Variants in MTUS2 observed in about 807,000 individuals in gnomAD.
The protein encoded by MTUS2 is microtubule associated scaffold protein 2, also known as microtubule-associated tumor suppressor candidate 2.
Under a neutral mutation model 114.1 loss-of-function variants are expected in MTUS2, and 40 were observed. The ratio of observed to expected loss-of-function variants is 0.35; its 90% confidence interval spans 0.27 to 0.46. The LOEUF (loss-of-function observed/expected upper bound fraction) is 0.46. Among genes scored for constraint, MTUS2 ranks in the 20% least tolerant of loss-of-function variants. The pLI is 1.00. For synonymous variants in MTUS2, 688 were observed against 672.0 expected (o/e 1.02, Z -0.37); for missense variants, 1,679 against 1,705.4 (o/e 0.98, Z 0.27).
chr13:29,389,399 A>ACACGTGTGTG (rs1566172841), intron 8 of MTUS2, among the ~76,000 whole-genome samples: 39 of 67,960 alleles, frequency 5.7e-4, no homozygotes, highest in African/African-American at 8.5e-4. Context: ...GTGTGTGTAT[A>ACACGTGTGTG]TATGTATACA....
chr13:29,206,953 G>A (rs879894065), intron 5 of MTUS2, among the ~76,000 whole-genome samples: 4 of 152,072 alleles, frequency 2.6e-5, no homozygotes, highest in South Asian at 2.1e-4. Flanking sequence ...GAATGATGGC[G>A]GTATTTTGAT....
At chr13:29,183,993 A>G (rs548422525) in intron 5 of MTUS2, among the ~76,000 whole-genome samples, 1 of 152,296 alleles carries the variant, frequency 6.6e-6, no homozygotes, top group African/African-American at 2.4e-5. Flanking sequence ...TTTACTTACC[A>G]TCTAGATTCA....
At chr13:29,327,086 A>T (rs1158032679) in intron 7 of MTUS2, among the ~76,000 whole-genome samples, 1 of 152,162 alleles carries the variant, frequency 6.6e-6, no homozygotes, top group African/African-American at 2.4e-5. Flanking sequence ...ATGCTGTAAA[A>T]TCTAGCTTTA....
chr13:29,491,130 ATG>A (rs1178019533), intron 11 of MTUS2, among the ~76,000 whole-genome samples: 6 of 145,640 alleles, frequency 4.1e-5, no homozygotes, highest in East Asian at 2.1e-4. Context: ...GTGGGTGTGC[ATG>A]TGTGTGTATA....
At chr13:29,229,062 A>C (rs1896221911) in intron 5 of MTUS2, among the ~76,000 whole-genome samples, 1 of 152,016 alleles carries the variant, frequency 6.6e-6, no homozygotes, top group African/African-American at 2.4e-5. Context: ...GTTAACACTG[A>C]GGGGCTTCTT....
At chr13:29,084,491 G>T (rs1776356638) in intron 4 of MTUS2, among the ~76,000 whole-genome samples, 1 of 151,734 alleles carries the variant, frequency 6.6e-6, no homozygotes, top group South Asian at 2.1e-4. Flanking sequence ...CCATGCAATG[G>T]TCTCTTTCTC....
At chr13:28,889,339 A>G (rs974116000) in intron 2 of MTUS2, among the ~76,000 whole-genome samples, 12 of 152,220 alleles carry the variant, frequency 7.9e-5, no homozygotes, top group African/African-American at 2.9e-4. Context: ...AATTAAACTC[A>G]TTTCCACAGT....
At chr13:29,078,378 C>T (rs1162782462) in intron 4 of MTUS2, among the ~76,000 whole-genome samples, 1 of 152,066 alleles carries the variant, frequency 6.6e-6, no homozygotes, top group East Asian at 1.9e-4. Context: ...TGACACAGGC[C>T]CTTTGAAAGT....
rs10624110 is a variant in MTUS2 at position 29,503,742 on chromosome 13, G to GA, written c.*547dup. ...ATATTTCTACCCAAAATAGAAAAAG[G>GA]AAAAAAAAAAAGATACAGAGAAGAA... On this transcript the variant is annotated 3_prime_UTR_variant, in exon 16 of 16. Coordinates refer to ENST00000612955, the MANE Select transcript of MTUS2 (RefSeq NM_001033602.4). The GA allele has an allele frequency of 0.71, 146,358 of 206,612 alleles. 47,786 individuals are homozygous for GA. The highest frequency in any genetic ancestry group is 0.8 in the South Asian group (4,358 of 5,450). 12.8% of individuals were successfully genotyped at this position (206,612 alleles called of 1,614,324 possible).
chr13:29,160,107 G>A (rs1893031527), intron 5 of MTUS2, among the ~76,000 whole-genome samples: 1 of 152,130 alleles, frequency 6.6e-6, no homozygotes, highest in Admixed American at 6.5e-5. Context: ...AAGGCCTTCC[G>A]TGGGCACATG....
chr13:29,304,592 TC>T (rs1899354407), intron 6 of MTUS2, among the ~76,000 whole-genome samples: 1 of 152,126 alleles, frequency 6.6e-6, no homozygotes, highest in African/African-American at 2.4e-5. Context: ...AGCTAACTAT[TC>T]TAAATATATA....
chr13:28,846,879 C>G (rs1033666238), intron 2 of MTUS2, among the ~76,000 whole-genome samples: 4 of 152,206 alleles, frequency 2.6e-5, no homozygotes, highest in Admixed American at 1.3e-4. Context: ...TATTTGTGAA[C>G]AGACATTATT....
At chr13:29,228,980 G>T (rs1896218867) in intron 5 of MTUS2, among the ~76,000 whole-genome samples, 1 of 152,072 alleles carries the variant, frequency 6.6e-6, no homozygotes, top group South Asian at 2.1e-4. Flanking sequence ...ATCCACCAAG[G>T]ATAAGCCACT....
chr13:28,927,387 C>T (rs974650282), intron 2 of MTUS2, among the ~76,000 whole-genome samples: 4 of 151,610 alleles, frequency 2.6e-5, no homozygotes, highest in African/African-American at 7.3e-5. Flanking sequence ...ATAGCAGGAC[C>T]CTGTCTCTAA....
At chr13:29,294,037 A>T (rs1246263457) in intron 6 of MTUS2, among the ~76,000 whole-genome samples, 1 of 152,120 alleles carries the variant, frequency 6.6e-6, no homozygotes, top group Admixed American at 6.5e-5. Context: ...TTTTCCAGAC[A>T]TGTTTCAATT....
Position 29,490,423 on chromosome 13 carries a change from T to C in MTUS2, c.3506-2223T>C, listed in dbSNP as rs574078663. ...GACCCTCTTCCCTCTCATTATAACA[T>C]GAAAACAAATTGCTTGTGTAGCCAG... On this transcript the variant is annotated intron_variant, in intron 11 of 15. Transcript: ENST00000612955. 2.0e-5 allele frequency among the ~76,000 whole-genome samples: 3 copies of C among 152,342 alleles called. No homozygotes were observed. In the South Asian group the frequency reaches 6.2e-4, roughly 32 times the overall value.
chr13:28,883,587 T>C (rs529772994), intron 2 of MTUS2, among the ~76,000 whole-genome samples: 1 of 152,264 alleles, frequency 6.6e-6, no homozygotes, highest in South Asian at 2.1e-4. Context: ...CATAACACTT[T>C]TGAAGTAACA....
At chr13:29,179,424 A>G (rs1893906012) in intron 5 of MTUS2, among the ~76,000 whole-genome samples, 1 of 152,174 alleles carries the variant, frequency 6.6e-6, no homozygotes, top group Non-Finnish European at 1.5e-5. Context: ...CATTTTTTCA[A>G]AAGAGGTTTC....
At chr13:29,190,664 G>A (rs1042822124) in intron 5 of MTUS2, among the ~76,000 whole-genome samples, 3 of 129,906 alleles carry the variant, frequency 2.3e-5, no homozygotes, top group African/African-American at 9.1e-5. Flanking sequence ...ACTGTGTAGA[G>A]AGAAGACGTA....
Sources: gnomAD v4.1 joint callset for allele counts (sites outside exome capture counted in the v4.1 genomes callset) on GRCh38, gnomAD v4.1.1 for gene constraint, MANE v1.5 for transcripts, NCBI Gene and HGNC (gene_info 2026-07-23, HGNC 2026-07-21) for gene names.